PRUNE2: variants seen among roughly 807,000 people sequenced by gnomAD.
PRUNE2 encodes the protein protein prune homolog 2.
A neutral mutation model predicts 252.0 loss-of-function variants in PRUNE2; 164 were observed. The observed-to-expected ratio is 0.65, with a 90% CI of 0.57 to 0.74. The LOEUF (loss-of-function observed/expected upper bound fraction) is 0.74, where lower values mean the gene tolerates loss of function less well. Among genes scored for constraint, PRUNE2 ranks in the 30% least tolerant of loss-of-function variants. PRUNE2 has a pLI of 0.00. For synonymous variants in PRUNE2, 1,292 were observed against 1,350.2 expected (o/e 0.96, Z 0.94); for missense variants, 3,495 against 3,711.0 (o/e 0.94, Z 1.51).
chr9:76,698,235 C>CG (rs1340441660), intron 9 of PRUNE2, among the ~76,000 whole-genome samples: 7 of 151,164 alleles, frequency 4.6e-5, no homozygotes, highest in Non-Finnish European at 1.0e-4. Flanking sequence ...TTAGTACAGA[C>CG]GGGGTTTTGC....
chr9:76,798,481 G>T (rs1010191366), intron 6 of PRUNE2, among the ~76,000 whole-genome samples: 1 of 152,004 alleles, frequency 6.6e-6, no homozygotes, highest in African/African-American at 2.4e-5. Flanking sequence ...CCTATTTAAG[G>T]CTCAGTACTC....
chr9:76,722,035 C>T (rs2047684066), intron 6 of PRUNE2, among the ~76,000 whole-genome samples: 1 of 151,870 alleles, frequency 6.6e-6, no homozygotes, highest in Non-Finnish European at 1.5e-5. Context: ...ATGTTTTTTC[C>T]AGATGTCATT....
At chr9:76,773,343 G>T (rs1409898903) in intron 6 of PRUNE2, among the ~76,000 whole-genome samples, 4 of 152,010 alleles carry the variant, frequency 2.6e-5, no homozygotes, top group Admixed American at 6.5e-5. Context: ...GGGAAGAAAG[G>T]TTGATTTATA....
At chr9:76,837,071 G>C (rs1346808224) in intron 4 of PRUNE2, among the ~76,000 whole-genome samples, 4 of 152,114 alleles carry the variant, frequency 2.6e-5, no homozygotes, top group Non-Finnish European at 4.4e-5. Flanking sequence ...TAGATTTAGA[G>C]AAAAACATCA....
intron 6 of PRUNE2, among the ~76,000 whole-genome samples, chr9:76,754,997 AAC>A (rs1339085830): frequency 1.3e-5 from 2 of 151,408 alleles, no homozygotes; most frequent in African/African-American, 4.8e-5. Flanking sequence ...AACCCAAAAA[AAC>A]AAAAGCAAAA....
chr9:76,676,077 C>CAAAAACAAG (rs2042518140), intron 9 of PRUNE2, among the ~76,000 whole-genome samples: 2 of 147,998 alleles, frequency 1.4e-5, no homozygotes, highest in Non-Finnish European at 3.0e-5. Flanking sequence ...AAAAAAAAAC[C>CAAAAACAAG]AAAAACAAAA....
chr9:76,849,292 G>C, intron 3 of PRUNE2, among the ~76,000 whole-genome samples: 1 of 152,010 alleles, frequency 6.6e-6, no homozygotes, highest in East Asian at 1.9e-4. Flanking sequence ...TGAGCTACAT[G>C]AATATTCAAA....
At chr9:76,859,479 T>TAGA (rs142702642) in intron 1 of PRUNE2, among the ~76,000 whole-genome samples, 1,907 of 152,180 alleles carry the variant, frequency 0.013, 40 homozygotes, top group African/African-American at 0.044. Flanking sequence ...TCCACAGGCT[T>TAGA]AGAAGCAAGG....
chr9:76,859,542 T>C (rs540500708), intron 1 of PRUNE2, among the ~76,000 whole-genome samples: 21 of 152,280 alleles, frequency 1.4e-4, no homozygotes, highest in African/African-American at 5.1e-4. Flanking sequence ...TGGATTCTTC[T>C]TGCCCACTGC....
At chr9:76,755,850 C>T (rs748620418) in intron 6 of PRUNE2, among the ~76,000 whole-genome samples, 13 of 152,050 alleles carry the variant, frequency 8.5e-5, no homozygotes, top group South Asian at 4.1e-4. Context: ...CACAGGTGCA[C>T]GCCACCACGC....
chr9:76,626,573 C>T (rs964470313), intron 16 of PRUNE2, among the ~76,000 whole-genome samples: 17 of 152,160 alleles, frequency 1.1e-4, no homozygotes, highest in East Asian at 3.8e-4. Flanking sequence ...CAACTAGAAC[C>T]CTTCCTCCTG....
intron 15 of PRUNE2, among the ~76,000 whole-genome samples, chr9:76,630,080 G>A (rs1331504785): frequency 1.1e-4 from 16 of 152,124 alleles, no homozygotes; most frequent in Admixed American, 9.2e-4. Context: ...GCGGCCTCCC[G>A]GTGGTTCCTG....
At chr9:76,687,187 T>C (rs1294581170) in intron 9 of PRUNE2, among the ~76,000 whole-genome samples, 1 of 152,250 alleles carries the variant, frequency 6.6e-6, no homozygotes, top group Non-Finnish European at 1.5e-5. Context: ...AAACAGTCTC[T>C]AGCTCTCCTT....
At chr9:76,651,095 A>G (rs774939862) in intron 11 of PRUNE2, among the ~76,000 whole-genome samples, 1 of 152,202 alleles carries the variant, frequency 6.6e-6, no homozygotes, top group Non-Finnish European at 1.5e-5. Flanking sequence ...TTCAACCTAC[A>G]GAATCAACTA....
chr9:76,832,346 T>C (rs2058715705), intron 4 of PRUNE2, among the ~76,000 whole-genome samples: 1 of 152,124 alleles, frequency 6.6e-6, no homozygotes, highest in African/African-American at 2.4e-5. Flanking sequence ...TTACCAAAAT[T>C]GACCATCTGT....
rs1444180540 is a variant in PRUNE2, at chr9:76,708,730, C to T, written c.3544G>A (p.Ala1182Thr). The change falls in exon 8 of 19, where the codon GCA (alanine) becomes ACA (threonine). Residue 1182 changes from alanine to threonine, a missense_variant. Transcript: ENST00000376718. ...LEPWGLEYQE[A>T]NQVDWELPAS... The stretch of plus-strand genomic sequence containing the variant: ...GGGAGCTCCCAATCTACCTGATTTG[C>T]TTCCTGATACTCCAAGCCCCAGGGT... 2 of 1,613,976 alleles carry T rather than the reference C, an allele frequency of 1.2e-6. No homozygotes were observed. Among genetic ancestry groups the T allele is most frequent in the Admixed American group, 1.7e-5 (1 of 60,024 alleles).
rs780053813 is a variant in PRUNE2, at chr9:76,709,423, C to T, written c.2851G>A (p.Ala951Thr). 7 of 1,613,990 alleles carry T rather than the reference C, an allele frequency of 4.3e-6. No homozygotes were observed. The East Asian group carries it at 1.6e-4, about 36-fold the overall frequency. Residue 951 changes from alanine (A) to threonine (T), a missense_variant, in exon 8 of 19, where the codon GCA becomes ACA. Ala to Thr is a moderately conservative substitution (Grantham distance 58). Coordinates refer to ENST00000376718, the MANE Select transcript of PRUNE2 (RefSeq NM_015225.3). ...FLSYKCSDYS[A>T]SNLGEDSVPS... is the part of the protein sequence containing the mutation. ...ACCGAATCTTCTCCTAGGTTGGATG[C>T]ACTGTAATCAGAACATTTGTAAGAT...
chr9:76,903,335 T>C (rs1452448959), intron 1 of PRUNE2, among the ~76,000 whole-genome samples: 1 of 151,570 alleles, frequency 6.6e-6, no homozygotes, highest in African/African-American at 2.4e-5. Context: ...AAAAAATATA[T>C]ATAATGCCCA....
At chr9:76,816,827 C>T (rs2057725407) in intron 6 of PRUNE2, among the ~76,000 whole-genome samples, 1 of 152,166 alleles carries the variant, frequency 6.6e-6, no homozygotes, top group Admixed American at 6.5e-5. Flanking sequence ...AAAACCAGAA[C>T]ACCCACATCC....
Sources: gnomAD v4.1 joint callset for allele counts (sites outside exome capture counted in the v4.1 genomes callset) on GRCh38, gnomAD v4.1.1 for gene constraint, MANE v1.5 for transcripts, NCBI Gene and HGNC (gene_info 2026-07-23, HGNC 2026-07-21) for gene names.